NPIPB2: variants seen among roughly 807,000 people sequenced by gnomAD.
NPIPB2 encodes nuclear pore complex interacting protein family member B2, also known as nuclear pore complex-interacting protein family member B2.
NPIPB2 carries 27 observed loss-of-function variants against 30.8 expected under a neutral mutation model. That is an observed-to-expected ratio of 0.88 (90% CI 0.65 to 1.21). The LOEUF (loss-of-function observed/expected upper bound fraction) is 1.21, where lower values mean the gene tolerates loss of function less well. NPIPB2 is among the 50% of genes most tolerant of loss of function. The pLI is 0.00. For synonymous variants in NPIPB2, 147 were observed against 162.0 expected (o/e 0.91, Z 0.70); for missense variants, 440 against 446.2 (o/e 0.99, Z 0.13).
At chr16:11,953,431 CTCCCAGGT>C (rs60899454) in intron 1 of NPIPB2, among the ~76,000 whole-genome samples, 28,678 of 150,564 alleles carry the variant, frequency 0.19, 5,024 homozygotes, top group African/African-American at 0.47. Flanking sequence ...CAACCTCCGC[CTCCCAGGT>C]TCCCAGGTTC....
At chr16:11,948,191 G>T (rs1366246439) in intron 1 of NPIPB2, among the ~76,000 whole-genome samples, 1 of 151,648 alleles carries the variant, frequency 6.6e-6, no homozygotes, top group African/African-American at 2.4e-5. Context: ...GGGACTGAAG[G>T]TGCCAAAACG....
chr16:11,941,870 T>C (rs2054946687), intron 1 of NPIPB2, 113 bp downstream of exon 1: 1 of 866,508 alleles, frequency 1.2e-6, no homozygotes, highest in Non-Finnish European at 1.9e-6. Flanking sequence ...CAGCTCCCTG[T>C]CCCTGCTTCT....
chr16:11,957,602 A>G (rs780420379), intron 1 of NPIPB2, among the ~76,000 whole-genome samples: 11 of 152,124 alleles, frequency 7.2e-5, no homozygotes, highest in Non-Finnish European at 1.6e-4. Context: ...CCCTTAAATC[A>G]GTAGACTTTG....
At chr16:11,971,753 G>T (rs534081855) in intron 1 of NPIPB2, among the ~76,000 whole-genome samples, 1 of 151,940 alleles carries the variant, frequency 6.6e-6, no homozygotes, top group Non-Finnish European at 1.5e-5. Flanking sequence ...CCTCAGCCTC[G>T]CAAAGTGCTG....
At position 11,933,510 on chromosome 16, in the gene NPIPB2, A is replaced by T; in HGVS notation, c.488+7T>A. Reference sequence around the variant, plus strand: ...TACAACAATATTTGTGTCAAGGCACATCTTACTGTTTTTTGGCGGTCTTCC... The same window carrying T: ...TACAACAATATTTGTGTCAAGGCACTTCTTACTGTTTTTTGGCGGTCTTCC... On this transcript the variant is annotated splice_region_variant and intron_variant, in intron 4 of 7. Coordinates refer to ENST00000399147, the Ensembl canonical transcript of NPIPB2. 6.3e-7 allele frequency: 1 copy of T among 1,596,894 alleles called. No homozygotes were observed. The highest frequency in any genetic ancestry group is 8.5e-7 in the Non-Finnish European group (1 of 1,179,152).
intron 2 of NPIPB2, among the ~76,000 whole-genome samples, chr16:11,935,530 T>C (rs2054853949): frequency 6.6e-6 from 1 of 152,186 alleles, no homozygotes; most frequent in African/African-American, 2.4e-5. Flanking sequence ...GCCCATCTGG[T>C]CTTGAACTCC....
At chr16:11,963,085 T>C (rs377754277) in intron 1 of NPIPB2, among the ~76,000 whole-genome samples, 4 of 149,590 alleles carry the variant, frequency 2.7e-5, no homozygotes, top group East Asian at 2.0e-4. Flanking sequence ...AACAAACAAA[T>C]AAATAAAAAA....
At chr16:11,960,166 G>T (rs1183042647) in intron 1 of NPIPB2, among the ~76,000 whole-genome samples, 2 of 152,090 alleles carry the variant, frequency 1.3e-5, no homozygotes, top group African/African-American at 4.8e-5. Flanking sequence ...CCATTGTGAG[G>T]CTCCCAGTGA....
intron 1 of NPIPB2, among the ~76,000 whole-genome samples, chr16:11,958,153 C>T (rs1273368336): frequency 1.3e-5 from 2 of 152,080 alleles, no homozygotes; most frequent in African/African-American, 2.4e-5. Context: ...TGGCTGGGTG[C>T]GGTGGCTCAC....
At chr16:11,969,290 C>T (rs976650259) in intron 1 of NPIPB2, among the ~76,000 whole-genome samples, 34 of 152,164 alleles carry the variant, frequency 2.2e-4, no homozygotes, top group African/African-American at 8.0e-4. Flanking sequence ...GACAGTCTCG[C>T]TCTGTCGTTG....
chr16:11,972,257 T>C (rs10852345), intron 1 of NPIPB2, among the ~76,000 whole-genome samples: 17,695 of 152,052 alleles, frequency 0.12, 1,502 homozygotes, highest in African/African-American at 0.21. Flanking sequence ...CTTCAGAAAA[T>C]AGATTGTAAA....
chr16:11,965,467 G>A, intron 1 of NPIPB2: 1 of 1,613,336 alleles, frequency 6.2e-7, no homozygotes, highest in Non-Finnish European at 8.5e-7. Flanking sequence ...AAGTAATATT[G>A]CTTGAACGAT....
intron 1 of NPIPB2, among the ~76,000 whole-genome samples, chr16:11,949,659 A>G (rs941373241): frequency 6.6e-6 from 1 of 152,222 alleles, no homozygotes; most frequent in Non-Finnish European, 1.5e-5. Flanking sequence ...AGCCCTGGCC[A>G]GTCTCCTCAC....
intron 1 of NPIPB2, among the ~76,000 whole-genome samples, chr16:11,939,285 G>T (rs562122740): frequency 1.7e-3 from 257 of 151,872 alleles, no homozygotes; most frequent in Non-Finnish European, 3.2e-3. Context: ...AGGTGGGCCG[G>T]GCGTGGTGGC....
intron 1 of NPIPB2, among the ~76,000 whole-genome samples, chr16:11,938,057 C>T (rs2054891017): frequency 6.6e-6 from 1 of 152,222 alleles, no homozygotes; most frequent in African/African-American, 2.4e-5. Flanking sequence ...TCCACTCAGT[C>T]GCCCAGGCTG....
intron 1 of NPIPB2, among the ~76,000 whole-genome samples, chr16:11,948,240 G>C (rs1287172740): frequency 6.6e-6 from 1 of 151,812 alleles, no homozygotes; most frequent in African/African-American, 2.4e-5. Flanking sequence ...TTGGTGACCT[G>C]GTCACCTCAC....
At chr16:11,960,237 G>T (rs1343251728) in intron 1 of NPIPB2, among the ~76,000 whole-genome samples, 1 of 151,984 alleles carries the variant, frequency 6.6e-6, no homozygotes, top group African/African-American at 2.4e-5. Context: ...AAACTACATT[G>T]TACCTGAGAT....
At chr16:11,932,774 T>TAAAAAAA in intron 4 of NPIPB2, among the ~76,000 whole-genome samples, 1 of 3,206 alleles carries the variant, frequency 3.1e-4, no homozygotes, top group Non-Finnish European at 9.4e-4. Context: ...AGACTCTGTC[T>TAAAAAAA]CAAAAAAAAA....
chr16:11,970,202 T>A (rs1045240829), intron 1 of NPIPB2, among the ~76,000 whole-genome samples: 1 of 151,896 alleles, frequency 6.6e-6, no homozygotes, highest in Non-Finnish European at 1.5e-5. Context: ...TTCCAGTCTT[T>A]ATTTTTATTC....
Sources: gnomAD v4.1 joint callset for allele counts (sites outside exome capture counted in the v4.1 genomes callset) on GRCh38, gnomAD v4.1.1 for gene constraint, MANE v1.5 for transcripts, NCBI Gene and HGNC (gene_info 2026-07-23, HGNC 2026-07-21) for gene names.